Variants in KNL1 observed in about 807,000 individuals in gnomAD.
KNL1 encodes outer kinetochore KNL1 complex subunit KNL1.
A neutral mutation model predicts 201.3 loss-of-function variants in KNL1; 66 were observed. The ratio of observed to expected loss-of-function variants is 0.33; its 90% CI spans 0.27 to 0.40. The LOEUF is 0.40. Among genes scored for constraint, KNL1 ranks in the 10% least tolerant of loss-of-function variants. KNL1 has a pLI of 1.00. For missense variants in KNL1, 2,815 were observed against 2,690.5 expected (o/e 1.05, Z -1.02); for synonymous variants, 895 against 899.2 (o/e 1.00, Z 0.08).
intron 13 of KNL1, among the ~76,000 whole-genome samples, chr15:40,636,577 C>T (rs569247589): frequency 6.6e-6 from 1 of 152,026 alleles, no homozygotes; most frequent in Non-Finnish European, 1.5e-5. Flanking sequence ...ACCTGTAATC[C>T]CAGTACTTTG....
chr15:40,642,014 C>T (rs1893243538), intron 14 of KNL1, among the ~76,000 whole-genome samples: 1 of 152,076 alleles, frequency 6.6e-6, no homozygotes, highest in South Asian at 2.1e-4. Flanking sequence ...TAAATTTGAA[C>T]CAATCTAACA....
At position 40,650,272 on chromosome 15, in the gene KNL1, A is replaced by G. The variant is rs764876084; in HGVS notation, c.6095-29A>G. 2.2e-5 allele frequency: 30 copies of G among 1,379,674 alleles called. No individual in the cohort carries two copies. The African/African-American group carries it at 2.5e-4, about 11-fold the overall frequency. 85.5% of individuals were successfully genotyped at this position (1,379,674 alleles called of 1,614,324 possible). ...TTCTTTTTTTACTATTTTTCACTGAATTATTCTAACAAATACTGTCTACTT... is the reference window on the plus strand; with the variant it reads ...TTCTTTTTTTACTATTTTTCACTGAGTTATTCTAACAAATACTGTCTACTT... On this transcript the variant is annotated intron_variant, in intron 17 of 25. Transcript: ENST00000399668.
chr15:40,659,450 T>A lies in KNL1; in HGVS notation c.6825T>A (p.Val2275=). The A allele has an allele frequency of 6.2e-7, 1 of 1,613,316 alleles. No homozygotes were observed. The highest frequency in any genetic ancestry group is 1.1e-5 in the South Asian group (1 of 91,008). The change falls in exon 25 of 26, where the codon GTT becomes GTA. Residue 2275 remains valine, a synonymous_variant. Coordinates refer to ENST00000399668, the MANE Select transcript of KNL1 (RefSeq NM_144508.5). ...VPLPSTIQNH[V]GNTSQDDIAT... ...TACCTTCCACCATTCAGAATCACGT[T>A]GGGAACACTAGGTGAGTAAAGGGCC...
At chr15:40,616,856 T>C (rs1397134703) in intron 8 of KNL1, among the ~76,000 whole-genome samples, 1 of 152,238 alleles carries the variant, frequency 6.6e-6, no homozygotes, top group African/African-American at 2.4e-5. Context: ...TCCTACCCAT[T>C]ATATAGGTAT....
intron 2 of KNL1, among the ~76,000 whole-genome samples, chr15:40,603,867 G>T (rs1255474502): frequency 2.6e-5 from 4 of 152,230 alleles, no homozygotes; most frequent in African/African-American, 9.6e-5. Context: ...ATTAAGAGGT[G>T]TTTTATGCAG....
At chr15:40,604,137 CAT>C (rs1209114964) in intron 2 of KNL1, among the ~76,000 whole-genome samples, 46 of 152,060 alleles carry the variant, frequency 3.0e-4, no homozygotes, top group African/African-American at 1.1e-3. Flanking sequence ...TCATCATCAT[CAT>C]CATCATCATC....
In KNL1 at chr15:40,624,561, T is replaced by C; in HGVS notation, c.4297T>C (p.Tyr1433His). Residue 1433 changes from tyrosine to histidine, a missense_variant, in exon 10 of 26, where the codon TAT becomes CAT. Tyr to His is a moderately conservative substitution (Grantham distance 83, BLOSUM62 2). Transcript: ENST00000399668. The stretch of plus-strand genomic sequence containing the variant: ...GCTTCCAAAGGATCAAATGAAAGTC[T>C]ATGTTGATGACATTTATGTTATTCC... Reference protein sequence around the residue: ...FKLPKDQMKVYVDDIYVIPQP... With the variant: ...FKLPKDQMKVHVDDIYVIPQP... 1 of 1,613,948 alleles carries C rather than the reference T, an allele frequency of 6.2e-7. No homozygotes were observed. Among genetic ancestry groups the C allele is most frequent in the Non-Finnish European group, 8.5e-7 (1 of 1,179,848 alleles).
chr15:40,606,359 G>C, intron 3 of KNL1, 34 bp from the exon 4 acceptor site: 1 of 1,349,964 alleles, frequency 7.4e-7, no homozygotes, highest in Non-Finnish European at 1.1e-6. Context: ...AGATATGCCA[G>C]ATTTTTTTTG....
At position 40,622,079 on chromosome 15, in the gene KNL1, C is replaced by T. The variant is rs769269672; in HGVS notation, c.1815C>T (p.Ser605=). 1 of 1,614,016 alleles carries T rather than the reference C, an allele frequency of 6.2e-7. No individual in the cohort carries two copies. The highest frequency in any genetic ancestry group is 1.1e-5 in the South Asian group (1 of 91,070). The change falls in exon 10 of 26, where the codon AGC becomes AGT. Residue 605 remains serine (S), a synonymous_variant. Transcript: ENST00000399668. ...GTACCAGTGAATCTCACTCTCAGAG[C>T]AAAAGCTCTTCAGATGAATGTGAAG... ...PESTSESHSQ[S]KSSSDECEEI...
intron 7 of KNL1, among the ~76,000 whole-genome samples, chr15:40,614,429 C>T (rs184436146): frequency 6.6e-6 from 1 of 152,122 alleles, no homozygotes; most frequent in Admixed American, 6.5e-5. Context: ...AGCGGTGTTT[C>T]ACCATGTCGG....
chr15:40,595,954 G>C (rs1350562082), intron 1 of KNL1, among the ~76,000 whole-genome samples: 1 of 152,136 alleles, frequency 6.6e-6, no homozygotes, highest in Non-Finnish European at 1.5e-5. Flanking sequence ...GGCTTTGCAG[G>C]CTACATGGTC....
At chr15:40,629,485 T>TC in intron 13 of KNL1, 114 bp downstream of exon 13, 1 of 497,988 alleles carries the variant, frequency 2.0e-6, no homozygotes. Context: ...TTTTTTTTTT[T>TC]TTGCCTTTTC....
At chr15:40,633,338 G>A (rs964250395) in intron 13 of KNL1, among the ~76,000 whole-genome samples, 4 of 148,804 alleles carry the variant, frequency 2.7e-5, no homozygotes, top group African/African-American at 9.9e-5. Flanking sequence ...AAATTGTAAT[G>A]GAGCTGGAAA....
At chr15:40,597,953 C>T (rs1891667727) in intron 1 of KNL1, among the ~76,000 whole-genome samples, 1 of 152,016 alleles carries the variant, frequency 6.6e-6, no homozygotes, top group African/African-American at 2.4e-5. Context: ...GGGCAGATCA[C>T]TAGGTGAAGA....
At position 40,624,656 on chromosome 15, in the gene KNL1, A is replaced by C. The variant is rs1340433692; in HGVS notation, c.4392A>C (p.Glu1464Asp). The change falls in exon 10 of 26, where the codon GAA becomes GAC. Residue 1464 changes from glutamate to aspartate, a missense_variant. Transcript: ENST00000399668. Reference protein sequence around the residue: ...KKGQSSINKEEVILSKAGNKS... With the variant: ...KKGQSSINKEDVILSKAGNKS... ...GACAGAGTAGTATCAATAAAGAAGA[A>C]GTAATACTGTCTAAAGCTGGAAATA... 2 of 1,613,808 alleles carry C rather than the reference A, an allele frequency of 1.2e-6. No individual in the cohort carries two copies. Among genetic ancestry groups the C allele is most frequent in the Non-Finnish European group, 1.7e-6 (2 of 1,179,824 alleles).
In KNL1 at chr15:40,622,681, A is replaced by C. The variant is rs762680264; in HGVS notation, c.2417A>C (p.Glu806Ala). The change falls in exon 10 of 26, where the codon GAA becomes GCA. Residue 806 changes from glutamate (E) to alanine (A), a missense_variant. Transcript: ENST00000399668. The part of the protein sequence containing the change: ...TMNRQIAVKV[E>A]KCGKSPIEKS... Reference sequence around the variant, plus strand: ...AACAGACAGATAGCTGTAAAAGTTGAAAAATGTGGTAAAAGTCCCATAGAA... The same window carrying C: ...AACAGACAGATAGCTGTAAAAGTTGCAAAATGTGGTAAAAGTCCCATAGAA... The C allele has an allele frequency of 1.8e-5, 29 of 1,590,272 alleles. No individual in the cohort carries two copies. Among genetic ancestry groups the C allele is most frequent in the South Asian group, 1.7e-4 (15 of 86,744 alleles).
Position 40,662,069 on chromosome 15 carries a change from TC to T in KNL1, c.6837-3del. On this transcript the variant is annotated splice_region_variant and splice_polypyrimidine_tract_variant and intron_variant, in intron 25 of 25. Transcript: ENST00000399668. ...AGAAAATTGATTAACCTTTGTTCTT[TC>T]CAGCCAAGATGATATTGCTACCATT... 1 of 1,538,944 alleles carries T rather than the reference TC, an allele frequency of 6.5e-7. No individual in the cohort carries two copies. Among genetic ancestry groups the T allele is most frequent in the Non-Finnish European group, 9.0e-7 (1 of 1,112,166 alleles).
intron 9 of KNL1, among the ~76,000 whole-genome samples, chr15:40,619,976 T>C (rs1360539198): frequency 2.0e-5 from 3 of 152,272 alleles, no homozygotes; most frequent in Non-Finnish European, 2.9e-5. Context: ...GTTGCCGAAG[T>C]TGGAGTGCAA....
rs922753019 is a variant in KNL1 at position 40,653,901 on chromosome 15, A to G, written c.6416-1008A>G. 1.2e-4 allele frequency among the ~76,000 whole-genome samples: 19 copies of G among 152,214 alleles called. 2 individuals carry two copies. The highest frequency in any genetic ancestry group is 2.9e-4 in the African/African-American group (12 of 41,538). On this transcript the variant is annotated intron_variant, in intron 21 of 25. Coordinates refer to ENST00000399668, the MANE Select transcript of KNL1 (RefSeq NM_144508.5). Reference sequence around the variant, plus strand: ...TCCCCCACTTCACTAATGAACTCCTACTAATAATTGTAAGAGCTCAGCTCT... The same window carrying G: ...TCCCCCACTTCACTAATGAACTCCTGCTAATAATTGTAAGAGCTCAGCTCT...
Sources: gnomAD v4.1 joint callset for allele counts (sites outside exome capture counted in the v4.1 genomes callset) on GRCh38, gnomAD v4.1.1 for gene constraint, MANE v1.5 for transcripts, NCBI Gene and HGNC (gene_info 2026-07-23, HGNC 2026-07-21) for gene names.